Variants in CROCC observed in about 807,000 individuals in gnomAD.
CROCC encodes the protein rootletin.
CROCC carries 180 observed loss-of-function variants against 245.2 expected under a neutral mutation model. That is an observed-to-expected ratio of 0.73 (90% confidence interval 0.65 to 0.83). The LOEUF (loss-of-function observed/expected upper bound fraction) is 0.83, where lower values mean the gene tolerates loss of function less well. CROCC is among the 40% of genes least tolerant of loss of function. CROCC has a pLI of 0.00. For synonymous variants in CROCC, 1,205 were observed against 1,241.6 expected (o/e 0.97, Z 0.62); for missense variants, 2,688 against 2,779.4 (o/e 0.97, Z 0.74).
Position 16,966,689 on chromosome 1 carries a change from G to A in CROCC, c.4860+118G>A. 3 of 1,201,846 alleles carry A rather than the reference G, an allele frequency of 2.5e-6. No homozygotes were observed. Among genetic ancestry groups the A allele is most frequent in the Non-Finnish European group, 3.3e-6 (3 of 900,112 alleles). The allele number at this position is 1,201,846 out of a possible 1,614,324, so 74.4% of individuals were successfully genotyped here. A position where few individuals can be genotyped will look rare whatever the true frequency, so the allele number is the denominator to read the frequency against. The stretch of plus-strand genomic sequence containing the variant: ...CCTGAGTCTCTCTGCAACCCACTGA[G>A]GTGACCAGCCTGTGACTCTGTGAAA... On this transcript the variant is annotated intron_variant, in intron 30 of 36. Transcript: ENST00000375541. This position sits in a 1 kb window ranked among gnomAD's most constrained non-coding sequence, Gnocchi z 4.8.
intron 8 of CROCC, among the ~76,000 whole-genome samples, chr1:16,933,597 TG>T (rs1170266203): frequency 2.0e-5 from 3 of 152,260 alleles, no homozygotes. Context: ...GATGGAGTCT[TG>T]CTTTGTTGCC....
chr1:16,936,639 A>ACCTGCTG lies in CROCC; in HGVS notation c.961_967dup (p.Gln323ProfsTer74), dbSNP rs1326892737. 2 of 1,588,398 alleles carry ACCTGCTG rather than the reference A, an allele frequency of 1.3e-6. No individual in the cohort carries two copies. Among genetic ancestry groups the ACCTGCTG allele is most frequent in the African/African-American group, 2.7e-5 (2 of 74,604 alleles). ...CCAGCCTGTGCTCTCTCCCGAAGGG[A>ACCTGCTG]CCTGCTGCAGCTGGGAGGGGAGCTG... On this transcript the variant is annotated frameshift_variant, in exon 9 of 37. Coordinates refer to ENST00000375541, the MANE Select transcript of CROCC (RefSeq NM_014675.5). LOFTEE classifies it high-confidence loss of function.
At chr1:16,917,275 A>G (rs1452651642), upstream of CROCC, among the ~76,000 whole-genome samples, 1 of 152,304 alleles carries the variant, frequency 6.6e-6, no homozygotes, top group Non-Finnish European at 1.5e-5. Context: ...GGGTGGTGCC[A>G]GGAGTGTTAA....
chr1:16,921,860 C>T, upstream of CROCC: 2 of 719,090 alleles, frequency 2.8e-6, no homozygotes, highest in Non-Finnish European at 4.8e-6. Context: ...CAGCCCACAT[C>T]CTGCTCCTCC....
intron 8 of CROCC, among the ~76,000 whole-genome samples, chr1:16,935,568 C>T (rs1255170922): frequency 1.3e-4 from 20 of 152,272 alleles, no homozygotes; most frequent in African/African-American, 4.8e-4. Context: ...CTACAGGCGC[C>T]TGCCACCTCA....
chr1:16,939,571 C>G (rs1340907790), intron 12 of CROCC, among the ~76,000 whole-genome samples: 2 of 152,102 alleles, frequency 1.3e-5, no homozygotes, highest in Admixed American at 6.5e-5. Context: ...AACCAGGATG[C>G]AAGGGGGAGG....
upstream of CROCC, among the ~76,000 whole-genome samples, chr1:16,917,243 G>A (rs1267095045): frequency 1.3e-5 from 2 of 152,304 alleles, no homozygotes; most frequent in African/African-American, 2.4e-5. Context: ...GAGACTTCAC[G>A]CTGTCATCTG....
At chr1:16,960,239 C>T (rs2076308531) in intron 26 of CROCC, among the ~76,000 whole-genome samples, 1 of 152,166 alleles carries the variant, frequency 6.6e-6, no homozygotes, top group Non-Finnish European at 1.5e-5. Flanking sequence ...GCACTCCAGC[C>T]TGGGTGACAG....
intron 1 of CROCC, among the ~76,000 whole-genome samples, chr1:16,915,651 AAAAAAAGG>A (rs1348995591): frequency 2.6e-5 from 4 of 152,240 alleles, no homozygotes; most frequent in Non-Finnish European, 5.9e-5. Flanking sequence ...AAGAAAAAAA[AAAAAAAGG>A]AGGAGACAGA....
chr1:16,922,070 G>A lies in CROCC; in HGVS notation c.52G>A (p.Val18Ile), dbSNP rs757017220. Reference sequence around the variant, plus strand: ...GGAGGTGGAGCTGACACTAGAGACGGTTATCCAGGTGGGTCCTGGGGGCTG... The same window carrying A: ...GGAGGTGGAGCTGACACTAGAGACGATTATCCAGGTGGGTCCTGGGGGCTG... ...AQEVELTLETVIQTLESSVLC... is the reference protein window; with the variant it reads ...AQEVELTLETIIQTLESSVLC... Residue 18 changes from valine to isoleucine, a missense_variant, in exon 1 of 37, where the codon GTT becomes ATT. Coordinates refer to ENST00000375541, the MANE Select transcript of CROCC (RefSeq NM_014675.5). 4 of 1,549,580 alleles carry A rather than the reference G, an allele frequency of 2.6e-6. No homozygotes were observed. Among genetic ancestry groups the A allele is most frequent in the South Asian group, 1.2e-5 (1 of 83,466 alleles).
intron 15 of CROCC, among the ~76,000 whole-genome samples, chr1:16,945,863 T>C (rs1390758555): frequency 3.3e-5 from 5 of 152,282 alleles, no homozygotes; most frequent in African/African-American, 9.6e-5. Context: ...GCAATGCCTA[T>C]AGCTCAGGGT....
rs566396115 is a variant in CROCC, at chr1:16,952,952, C to A, written c.3007-350C>A. 94 of 227,070 alleles carry A rather than the reference C, an allele frequency of 4.1e-4. 1 individual carries two copies. The South Asian group carries it at 7.9e-3, about 19-fold the overall frequency. The allele number at this position is 227,070 out of a possible 1,614,324, so 14.1% of individuals were successfully genotyped here. On this transcript the variant is annotated intron_variant, in intron 20 of 36. Transcript: ENST00000375541. ...CCCCACCCCTGCCTGGGGCTCTGGC[C>A]CTGTGACTCACCATGTCCCGTTCCC... is the stretch of plus-strand genomic sequence containing the variant.
chr1:16,966,341 T>C lies in CROCC; in HGVS notation c.4697-67T>C. On this transcript the variant is annotated intron_variant, in intron 29 of 36. Coordinates refer to ENST00000375541, the MANE Select transcript of CROCC (RefSeq NM_014675.5). The surrounding 1 kb of genome is among the most constrained non-coding windows in gnomAD (Gnocchi z 4.8). ...ACTGGGTGGAGTGCAGGCTGGACATTTTGTGACCTGGTTTGGGTCTCGGGG... is the reference window on the plus strand; with the variant it reads ...ACTGGGTGGAGTGCAGGCTGGACATCTTGTGACCTGGTTTGGGTCTCGGGG... The C allele has an allele frequency of 6.8e-7, 1 of 1,466,588 alleles. No homozygotes were observed. The allele number at this position is 1,466,588 out of a possible 1,614,324, so 90.8% of individuals were successfully genotyped here.
chr1:16,970,838 G>A, intron 35 of CROCC, 71 bp downstream of exon 35: 1 of 1,462,214 alleles, frequency 6.8e-7, no homozygotes, highest in South Asian at 1.5e-5. Flanking sequence ...CAGTGGAGCT[G>A]ATGGCCCAGC....
At chr1:16,923,632 C>CT (rs2075460081) in intron 2 of CROCC, among the ~76,000 whole-genome samples, 1 of 149,742 alleles carries the variant, frequency 6.7e-6, no homozygotes, top group African/African-American at 2.5e-5. Flanking sequence ...TTGAGCGAGG[C>CT]TTTGATGCTT....
intron 3 of CROCC, among the ~76,000 whole-genome samples, chr1:16,925,968 G>T (rs563113803): frequency 6.6e-6 from 1 of 152,240 alleles, no homozygotes; most frequent in East Asian, 1.9e-4. Flanking sequence ...CCCCAGGGCC[G>T]CCTCTTAAAT....
At position 16,948,649 on chromosome 1, in the gene CROCC, T is replaced by A. The variant is rs542966794; in HGVS notation, c.2708+125T>A. 85 of 1,506,598 alleles carry A rather than the reference T, an allele frequency of 5.6e-5. No individual in the cohort carries two copies. In the East Asian group the frequency reaches 2.0e-3, roughly 35 times the overall value. The allele number at this position is 1,506,598 out of a possible 1,614,324, so 93.3% of individuals were successfully genotyped here. ...AGGAGTCTGGCTTGCCGACTCGTCCTAGCTGTGGCTCAGGCTTCCCCAGGG... is the reference window on the plus strand; with the variant it reads ...AGGAGTCTGGCTTGCCGACTCGTCCAAGCTGTGGCTCAGGCTTCCCCAGGG... On this transcript the variant is annotated intron_variant, in intron 18 of 36. Coordinates refer to ENST00000375541, the MANE Select transcript of CROCC (RefSeq NM_014675.5).
intron 1 of CROCC, among the ~76,000 whole-genome samples, chr1:16,914,216 G>T (rs1336599685): frequency 6.6e-6 from 1 of 151,972 alleles, no homozygotes; most frequent in African/African-American, 2.4e-5. Flanking sequence ...GCCTGGGGGC[G>T]GGCTGGAGCC....
chr1:16,933,231 C>T (rs1206683177), intron 8 of CROCC, among the ~76,000 whole-genome samples: 4 of 152,384 alleles, frequency 2.6e-5, no homozygotes, highest in Non-Finnish European at 5.9e-5. Context: ...TTCAGGAGGC[C>T]GAGGCGGGCG....
Sources: allele counts gnomAD v4.1 joint callset (sites outside exome capture counted in the v4.1 genomes callset), GRCh38; gene constraint gnomAD v4.1.1; non-coding constraint Gnocchi (gnomAD v3.1); transcripts MANE v1.5; gene names NCBI Gene and HGNC (gene_info 2026-07-23, HGNC 2026-07-21).